TEAD1: variants seen among roughly 807,000 people sequenced by gnomAD.
The protein encoded by TEAD1 is TEA domain transcription factor 1.
A neutral mutation model predicts 54.9 loss-of-function variants in TEAD1; 9 were observed. The observed-to-expected ratio is 0.16, with a 90% CI of 0.10 to 0.29. The LOEUF (loss-of-function observed/expected upper bound fraction) is 0.29, where lower values mean the gene tolerates loss of function less well. TEAD1 is among the 10% of genes least tolerant of loss of function. TEAD1 has a pLI of 1.00. For missense variants in TEAD1, 387 were observed against 535.9 expected (o/e 0.72, Z 2.74); for synonymous variants, 200 against 187.8 (o/e 1.07, Z -0.53).
intron 3 of TEAD1, among the ~76,000 whole-genome samples, chr11:12,807,804 T>C (rs1022133762): frequency 6.6e-6 from 1 of 152,188 alleles, no homozygotes; most frequent in African/African-American, 2.4e-5. Context: ...GGTCGTGCTT[T>C]GAAGTGCTTG....
At chr11:12,874,797 G>C in intron 5 of TEAD1, among the ~76,000 whole-genome samples, 1 of 152,128 alleles carries the variant, frequency 6.6e-6, no homozygotes, top group East Asian at 1.9e-4. Flanking sequence ...TTTCTGCATT[G>C]CAGGTCATGG....
intron 6 of TEAD1, among the ~76,000 whole-genome samples, chr11:12,880,388 G>A (rs1175751538): frequency 1.3e-5 from 2 of 152,234 alleles, no homozygotes; most frequent in African/African-American, 4.8e-5. Context: ...AGGTTATTCA[G>A]TAGCAAAACA....
At chr11:12,789,889 G>C (rs112731882) in intron 3 of TEAD1, among the ~76,000 whole-genome samples, 1 of 152,266 alleles carries the variant, frequency 6.6e-6, no homozygotes, top group South Asian at 2.1e-4. Context: ...GGGGCTCAGC[G>C]TAACAGACCC....
intron 2 of TEAD1, among the ~76,000 whole-genome samples, chr11:12,735,371 G>A (rs112378979): frequency 3.9e-5 from 6 of 152,072 alleles, no homozygotes; most frequent in Non-Finnish European, 5.9e-5. Flanking sequence ...CAAGGAAGAA[G>A]TGGAAAAAAA....
chr11:12,908,883 G>GTTTTTGTTTTTGTTTTTTTTTTT (rs769023879), intron 10 of TEAD1, among the ~76,000 whole-genome samples: 3 of 99,670 alleles, frequency 3.0e-5, no homozygotes, highest in South Asian at 6.2e-4. Flanking sequence ...CAAATTATCT[G>GTTTTTGTTTTTGTTTTTTTTTTT]TTTTTTTTTT....
chr11:12,877,940 G>A (rs1947887231), intron 5 of TEAD1, among the ~76,000 whole-genome samples: 1 of 151,788 alleles, frequency 6.6e-6, no homozygotes, highest in African/African-American at 2.4e-5. Flanking sequence ...TGGAACCACA[G>A]AAGTACACCA....
chr11:12,749,004 C>T (rs568682373), intron 2 of TEAD1, among the ~76,000 whole-genome samples: 19 of 152,192 alleles, frequency 1.2e-4, no homozygotes, highest in Non-Finnish European at 2.2e-4. Context: ...TGAGAGGAGG[C>T]GGTGGGATTC....
chr11:12,779,990 T>A (rs1945510592), intron 3 of TEAD1, among the ~76,000 whole-genome samples: 1 of 152,192 alleles, frequency 6.6e-6, no homozygotes, highest in South Asian at 2.1e-4. Context: ...GCTTTCCTTC[T>A]AAGATCAGGA....
intron 3 of TEAD1, among the ~76,000 whole-genome samples, chr11:12,839,240 G>A (rs557117116): frequency 2.8e-4 from 42 of 152,130 alleles, no homozygotes; most frequent in African/African-American, 9.2e-4. Context: ...GTGAAACACC[G>A]TCTCTACTAA....
intron 9 of TEAD1, among the ~76,000 whole-genome samples, chr11:12,887,390 C>G (rs555157477): frequency 4.3e-4 from 66 of 152,226 alleles, no homozygotes; most frequent in Non-Finnish European, 5.9e-5. Flanking sequence ...CCACCGTGCC[C>G]GGCCGCAGAT....
In TEAD1 at chr11:12,807,817, A is replaced by G. The variant is rs1268826364; in HGVS notation, c.202+43383A>G. Among the ~76,000 whole-genome samples the G allele has an allele frequency of 7.2e-5, 11 of 152,304 alleles. 1 individual carries two copies. Among genetic ancestry groups the G allele is most frequent in the Middle Eastern group, 6.8e-3 (2 of 294 alleles). On this transcript the variant is annotated intron_variant, in intron 3 of 12. Coordinates refer to ENST00000527636, the MANE Select transcript of TEAD1 (RefSeq NM_021961.6). Reference sequence around the variant, plus strand: ...TAGGTCGTGCTTTGAAGTGCTTGGCAGTGGCCAGACCTGGACAGGTACTGA... The same window carrying G: ...TAGGTCGTGCTTTGAAGTGCTTGGCGGTGGCCAGACCTGGACAGGTACTGA...
intron 3 of TEAD1, among the ~76,000 whole-genome samples, chr11:12,770,835 G>C (rs1435149721): frequency 1.3e-5 from 2 of 152,226 alleles, no homozygotes; most frequent in Non-Finnish European, 2.9e-5. Flanking sequence ...GAATTGACTT[G>C]TATATGTTTG....
chr11:12,743,925 A>G (rs1367738990), intron 2 of TEAD1, among the ~76,000 whole-genome samples: 1 of 152,198 alleles, frequency 6.6e-6, no homozygotes, highest in Admixed American at 6.5e-5. Flanking sequence ...GCTTTGGAGC[A>G]CTGACTCTTT....
intron 3 of TEAD1, among the ~76,000 whole-genome samples, chr11:12,776,873 C>T (rs1038720445): frequency 6.6e-6 from 1 of 151,756 alleles, no homozygotes; most frequent in East Asian, 1.9e-4. Flanking sequence ...CATCTCACTG[C>T]AACCTCCACC....
At chr11:12,800,286 C>T (rs1187654373) in intron 3 of TEAD1, among the ~76,000 whole-genome samples, 3 of 152,170 alleles carry the variant, frequency 2.0e-5, no homozygotes, top group Admixed American at 6.5e-5. Flanking sequence ...GGTCCTGAGC[C>T]GGTTTTACCT....
chr11:12,701,985 C>G (rs1943712869), intron 2 of TEAD1, among the ~76,000 whole-genome samples: 1 of 152,210 alleles, frequency 6.6e-6, no homozygotes, highest in Non-Finnish European at 1.5e-5. Flanking sequence ...CCTGCCACAG[C>G]ACTCGCAGGC....
chr11:12,806,253 A>T (rs921111636), intron 3 of TEAD1, among the ~76,000 whole-genome samples: 36 of 152,200 alleles, frequency 2.4e-4, no homozygotes, highest in African/African-American at 8.7e-4. Flanking sequence ...TAACATGTTC[A>T]TATGGATGCT....
At chr11:12,699,872 T>G (rs560743451) in intron 2 of TEAD1, among the ~76,000 whole-genome samples, 1 of 152,222 alleles carries the variant, frequency 6.6e-6, no homozygotes. Flanking sequence ...TATTGTGCAG[T>G]CTTTTGGGGG....
At chr11:12,750,510 T>C (rs1044773747) in intron 2 of TEAD1, among the ~76,000 whole-genome samples, 2 of 152,314 alleles carry the variant, frequency 1.3e-5, no homozygotes, top group East Asian at 1.9e-4. Flanking sequence ...ATTCCAGATA[T>C]ATAACATTCT....
Sources: gnomAD v4.1 joint callset for allele counts (sites outside exome capture counted in the v4.1 genomes callset) on GRCh38, gnomAD v4.1.1 for gene constraint, MANE v1.5 for transcripts, NCBI Gene and HGNC (gene_info 2026-07-23, HGNC 2026-07-21) for gene names.